GLB1: variants seen among roughly 807,000 people sequenced by gnomAD.
GLB1 encodes the protein galactosidase beta 1, also known as beta-galactosidase.
GLB1 carries 56 observed loss-of-function variants against 74.0 expected under a neutral mutation model. That is an observed-to-expected ratio of 0.76 (90% confidence interval 0.61 to 0.94). The LOEUF is 0.94. Among genes scored for constraint, GLB1 ranks in the 40% least tolerant of loss-of-function variants. GLB1 has a pLI of 0.00. For synonymous variants in GLB1, 323 were observed against 323.6 expected (o/e 1.00, Z 0.02); for missense variants, 787 against 845.5 (o/e 0.93, Z 0.86).
At chr3:33,005,587 G>C (rs1696752679) in intron 15 of GLB1, among the ~76,000 whole-genome samples, 1 of 151,824 alleles carries the variant, frequency 6.6e-6, no homozygotes, top group African/African-American at 2.4e-5. Flanking sequence ...GCCTTGATTT[G>C]CTGGGCTCAA....
At chr3:32,976,588 T>C in the GLB1 span, among the ~76,000 whole-genome samples, 19 of 152,300 alleles carry the variant, frequency 1.2e-4, no homozygotes, top group South Asian at 3.9e-3. Flanking sequence ...GGCTTGGCCA[T>C]GGGAGGCAGC....
At chr3:32,981,644 C>T in the GLB1 span, among the ~76,000 whole-genome samples, 13,869 of 151,344 alleles carry the variant, frequency 0.092, 722 homozygotes, top group African/African-American at 0.14. Flanking sequence ...CGTCATGGCG[C>T]ATGTGTGTAA....
chr3:33,087,579 GCACACACACACACACA>G lies in GLB1; in HGVS notation c.75+9416_75+9431del, dbSNP rs57935919. ...AGCAAGACCATGTCTCAGCATGCGC[GCACACACACACACACA>G]CACACACACACACACACACACACAC... On this transcript the variant is annotated intron_variant, in intron 1 of 15. Coordinates refer to ENST00000307363, the MANE Select transcript of GLB1 (RefSeq NM_000404.4). 1.2e-3 allele frequency among the ~76,000 whole-genome samples: 166 copies of G among 141,894 alleles called. 5 individuals are homozygous for G. Among genetic ancestry groups the G allele is most frequent in the East Asian group, 8.7e-3 (42 of 4,830 alleles). 93.1% of individuals were successfully genotyped at this position (141,894 alleles called of 152,430 possible).
At chr3:32,971,108 C>G in the GLB1 span, among the ~76,000 whole-genome samples, 1 of 152,210 alleles carries the variant, frequency 6.6e-6, no homozygotes, top group Non-Finnish European at 1.5e-5. Flanking sequence ...ATTCAGTGGT[C>G]TACGCTAACA....
At chr3:33,085,705 C>A (rs545399659) in intron 1 of GLB1, among the ~76,000 whole-genome samples, 67 of 150,932 alleles carry the variant, frequency 4.4e-4, no homozygotes, top group South Asian at 4.2e-3. Context: ...AAAAAAAAAA[C>A]AAAACTATTA....
chr3:32,994,732 C>A (rs1038295830), downstream of GLB1, among the ~76,000 whole-genome samples: 4 of 151,918 alleles, frequency 2.6e-5, no homozygotes, highest in Non-Finnish European at 5.9e-5. Context: ...ACCAGCCTGA[C>A]CAACACGGCA....
chr3:32,992,747 G>T (rs377266939), downstream of GLB1, among the ~76,000 whole-genome samples: 95 of 152,326 alleles, frequency 6.2e-4, no homozygotes, highest in African/African-American at 1.8e-3. Flanking sequence ...CTGCTCACAC[G>T]TGGGAAAGCC....
intron 1 of GLB1, among the ~76,000 whole-genome samples, chr3:33,073,439 G>C (rs1699961216): frequency 6.6e-6 from 1 of 152,184 alleles, no homozygotes; most frequent in Admixed American, 6.5e-5. Context: ...TGTAATCCCA[G>C]AACTTTGGGA....
chr3:32,989,313 C>CA, the GLB1 span, among the ~76,000 whole-genome samples: 1 of 152,212 alleles, frequency 6.6e-6, no homozygotes, highest in Admixed American at 6.5e-5. Flanking sequence ...CATTTGCCTG[C>CA]TCAACTATGA....
chr3:33,027,836 T>C (rs1417847738), intron 10 of GLB1, among the ~76,000 whole-genome samples: 5 of 152,194 alleles, frequency 3.3e-5, no homozygotes, highest in Non-Finnish European at 2.9e-5. Context: ...AAGACTGTTA[T>C]AGTGAAAAGC....
chr3:32,979,933 A>T, the GLB1 span, among the ~76,000 whole-genome samples: 1 of 152,076 alleles, frequency 6.6e-6, no homozygotes, highest in Non-Finnish European at 1.5e-5. Flanking sequence ...TTAATTAAAA[A>T]TTTTAATTGA....
At chr3:33,096,264 CA>C (rs1701021752) in intron 1 of GLB1, 1 of 466,622 alleles carries the variant, frequency 2.1e-6, no homozygotes, top group Admixed American at 6.4e-5. Context: ...GCCCCTCAGC[CA>C]GTCGCCTCAG....
the GLB1 span, among the ~76,000 whole-genome samples, chr3:32,976,296 TG>T: frequency 6.6e-6 from 1 of 152,224 alleles, no homozygotes; most frequent in Admixed American, 6.5e-5. Flanking sequence ...GAAGACTTAC[TG>T]GAGCTATCGA....
chr3:33,070,579 C>G lies in GLB1; in HGVS notation c.246-1609G>C, dbSNP rs138910125. On this transcript the variant is annotated intron_variant, in intron 2 of 15. Coordinates refer to ENST00000307363, the MANE Select transcript of GLB1 (RefSeq NM_000404.4). ...AAAATTATAGCTGGGCACAGTAGCT[C>G]TCTTCTGTAATCCCTGCACTCTGGG... Among the ~76,000 whole-genome samples, 423 of 152,336 alleles carry G rather than the reference C, an allele frequency of 2.8e-3. 1 individual carries two copies. Among genetic ancestry groups the G allele is most frequent in the African/African-American group, 8.9e-3 (371 of 41,580 alleles).
At chr3:32,991,379 G>T in the GLB1 span, among the ~76,000 whole-genome samples, 1 of 152,160 alleles carries the variant, frequency 6.6e-6, no homozygotes, top group Non-Finnish European at 1.5e-5. Flanking sequence ...TTAGTGAAAT[G>T]GATGGAAATA....
At chr3:33,003,621 C>T (rs1236647275) in intron 15 of GLB1, among the ~76,000 whole-genome samples, 1 of 152,078 alleles carries the variant, frequency 6.6e-6, no homozygotes, top group Non-Finnish European at 1.5e-5. Context: ...GCAAATTAGA[C>T]AAAAAAGAAG....
chr3:33,037,282 G>A (rs9840748), intron 10 of GLB1, among the ~76,000 whole-genome samples: 130,177 of 151,968 alleles, frequency 0.86, 56,535 homozygotes, highest in Admixed American at 0.93. Flanking sequence ...CTGACCTTAG[G>A]TGATCTGCCT....
At chr3:33,052,423 A>G (rs1180296613) in intron 7 of GLB1, among the ~76,000 whole-genome samples, 5 of 152,156 alleles carry the variant, frequency 3.3e-5, no homozygotes, top group African/African-American at 1.2e-4. Context: ...CACAAGGTCT[A>G]GAGATTGAGA....
chr3:32,972,037 A>G, the GLB1 span, among the ~76,000 whole-genome samples: 2 of 152,214 alleles, frequency 1.3e-5, no homozygotes, highest in African/African-American at 4.8e-5. Context: ...AGACACAAAT[A>G]TCAAAAAGAA....
Sources: allele counts gnomAD v4.1 joint callset (sites outside exome capture counted in the v4.1 genomes callset), GRCh38; gene constraint gnomAD v4.1.1; transcripts MANE v1.5; gene names NCBI Gene and HGNC (gene_info 2026-07-23, HGNC 2026-07-21).